SYNPO2: variants seen among roughly 807,000 people sequenced by gnomAD.
The protein encoded by SYNPO2 is synaptopodin-2.
SYNPO2 carries 56 observed loss-of-function variants against 85.0 expected under a neutral mutation model. The observed-to-expected ratio is 0.66, with a 90% CI of 0.53 to 0.82. The LOEUF is 0.82. SYNPO2 is among the 40% of genes least tolerant of loss of function. SYNPO2 has a pLI of 0.00. For missense variants in SYNPO2, 1,575 were observed against 1,534.2 expected, an observed-to-expected ratio of 1.03 and a Z score of -0.44; for synonymous variants, 602 against 591.1, an observed-to-expected ratio of 1.02 and a Z score of -0.27.
At chr4:119,045,649 A>G (rs1042344049) in intron 4 of SYNPO2, among the ~76,000 whole-genome samples, 1 of 152,226 alleles carries the variant, frequency 6.6e-6, no homozygotes, top group Non-Finnish European at 1.5e-5. Flanking sequence ...TCTTTTGAGG[A>G]AAGAGAGAAC....
At chr4:119,021,155 C>A (rs1363173993) in intron 1 of SYNPO2, among the ~76,000 whole-genome samples, 1 of 152,080 alleles carries the variant, frequency 6.6e-6, no homozygotes, top group Admixed American at 6.6e-5. Context: ...GAAGGATGGG[C>A]CCTCCCAGAA....
chr4:119,048,504 ATATT>A (rs1026781298), intron 4 of SYNPO2, among the ~76,000 whole-genome samples: 2 of 152,178 alleles, frequency 1.3e-5, no homozygotes, highest in African/African-American at 4.8e-5. Flanking sequence ...ATTAAGTAGA[ATATT>A]TATTATGTTA....
At chr4:119,019,309 A>G (rs1737631303) in intron 1 of SYNPO2, among the ~76,000 whole-genome samples, 1 of 152,206 alleles carries the variant, frequency 6.6e-6, no homozygotes. Flanking sequence ...TAGTTATGTG[A>G]TCTGATTAAA....
chr4:119,013,531 G>A (rs888854484), intron 1 of SYNPO2, among the ~76,000 whole-genome samples: 1 of 152,124 alleles, frequency 6.6e-6, no homozygotes, highest in Non-Finnish European at 1.5e-5. Flanking sequence ...TGGATATTCA[G>A]CAGTTATTTT....
At chr4:118,854,338 A>G (rs1008420466) in intron 1 of SYNPO2, among the ~76,000 whole-genome samples, 3 of 152,222 alleles carry the variant, frequency 2.0e-5, no homozygotes, top group Non-Finnish European at 2.9e-5. Flanking sequence ...AACATATAAA[A>G]AGTAAAGCAA....
At chr4:118,860,808 G>T (rs1298076736) in intron 1 of SYNPO2, among the ~76,000 whole-genome samples, 2 of 152,066 alleles carry the variant, frequency 1.3e-5, no homozygotes, top group Non-Finnish European at 2.9e-5. Context: ...ACTTGCCTCG[G>T]CATCCCAAAG....
At chr4:118,981,580 A>G (rs543943410) in intron 1 of SYNPO2, among the ~76,000 whole-genome samples, 6 of 152,306 alleles carry the variant, frequency 3.9e-5, no homozygotes, top group Non-Finnish European at 7.3e-5. Flanking sequence ...GTATGCCCTT[A>G]ATTATAGAAC....
intron 1 of SYNPO2, among the ~76,000 whole-genome samples, chr4:118,950,717 C>G (rs1473441092): frequency 1.3e-5 from 2 of 152,140 alleles, no homozygotes; most frequent in Admixed American, 1.3e-4. Context: ...CTAGGAATCA[C>G]CTAAGCCTTG....
At chr4:119,021,818 G>A (rs1030716164) in intron 1 of SYNPO2, among the ~76,000 whole-genome samples, 28 of 152,140 alleles carry the variant, frequency 1.8e-4, no homozygotes, top group African/African-American at 6.3e-4. Flanking sequence ...CAATGATAGA[G>A]GGGCAGGCTG....
At chr4:118,931,360 C>T (rs1327701303) in intron 1 of SYNPO2, among the ~76,000 whole-genome samples, 1 of 152,142 alleles carries the variant, frequency 6.6e-6, no homozygotes, top group Non-Finnish European at 1.5e-5. Flanking sequence ...TATTATACTA[C>T]TGACATTTCA....
At chr4:118,883,057 C>T (rs1199232187) in intron 1 of SYNPO2, among the ~76,000 whole-genome samples, 14 of 150,828 alleles carry the variant, frequency 9.3e-5, no homozygotes, top group Non-Finnish European at 1.2e-4. Context: ...CACCGCGCCC[C>T]GCCTGTTTTT....
chr4:118,977,183 A>C lies in SYNPO2; in HGVS notation c.106-46247A>C, dbSNP rs537714044. On this transcript the variant is annotated intron_variant, in intron 1 of 4. Transcript: ENST00000307142. ...TCAGGCATGGCGGGCTGCAGGTCCC[A>C]AGGCCTGCCCCGTGGGAAGGCAGCT... Among the ~76,000 whole-genome samples, 1,054 of 152,116 alleles carry C rather than the reference A, an allele frequency of 6.9e-3. 6 individuals are homozygous for C. The highest frequency in any genetic ancestry group is 0.013 in the African/African-American group (524 of 41,566).
chr4:118,913,965 T>C (rs1192160320), intron 1 of SYNPO2, among the ~76,000 whole-genome samples: 1 of 152,160 alleles, frequency 6.6e-6, no homozygotes, highest in Admixed American at 6.6e-5. Flanking sequence ...AGGGTGGAGC[T>C]TGGAGAATGG....
chr4:118,942,736 G>A (rs376048240), intron 1 of SYNPO2, among the ~76,000 whole-genome samples: 301 of 152,228 alleles, frequency 2.0e-3, no homozygotes, highest in African/African-American at 7.0e-3. Context: ...GCATCTAGTG[G>A]ATAGAGGCCA....
chr4:119,048,696 A>G (rs1738947243), intron 4 of SYNPO2, among the ~76,000 whole-genome samples: 1 of 152,158 alleles, frequency 6.6e-6, no homozygotes, highest in Non-Finnish European at 1.5e-5. Context: ...GAGGATTGGA[A>G]AGTACAAAAA....
chr4:118,945,789 A>G (rs957518976), intron 1 of SYNPO2, among the ~76,000 whole-genome samples: 3 of 151,814 alleles, frequency 2.0e-5, no homozygotes, highest in African/African-American at 7.3e-5. Flanking sequence ...CTCTGTTGCC[A>G]GTCTGGAGTG....
At position 118,977,271 on chromosome 4, in the gene SYNPO2, C is replaced by T. The variant is rs1204192923; in HGVS notation, c.106-46159C>T. ...CAGCACTGCTGGGGGACTCAGTACA[C>T]CCTCTGCAGCCACTGGCCTGGGTGC... is the stretch of plus-strand genomic sequence containing the variant. On this transcript the variant is annotated intron_variant, in intron 1 of 4. Transcript: ENST00000307142. Among the ~76,000 whole-genome samples the T allele has an allele frequency of 2.6e-5, 4 of 152,356 alleles. No individual in the cohort carries two copies. The Middle Eastern group carries it at 0.01, about 389-fold the overall frequency.
chr4:118,938,189 G>A (rs7672077), intron 1 of SYNPO2, among the ~76,000 whole-genome samples: 114,174 of 151,826 alleles, frequency 0.75, 44,615 homozygotes, highest in South Asian at 0.89. Flanking sequence ...CCGGGTGGCA[G>A]GAGTCTGCAG....
rs150737248 is a variant in SYNPO2 at position 119,010,437 on chromosome 4, A to C, written c.106-12993A>C. Among the ~76,000 whole-genome samples, 1,315 of 152,296 alleles carry C rather than the reference A, an allele frequency of 8.6e-3. 27 individuals carry two copies. The highest frequency in any genetic ancestry group is 0.029 in the African/African-American group (1,199 of 41,550). On this transcript the variant is annotated intron_variant, in intron 1 of 4. Transcript: ENST00000307142. ...TGACAAAACCATCAGATACAGTGAG[A>C]CTTATTCACTACCATGAGAACAATA...
Sources: gnomAD v4.1 joint callset for allele counts (sites outside exome capture counted in the v4.1 genomes callset) on GRCh38, gnomAD v4.1.1 for gene constraint, MANE v1.5 for transcripts, NCBI Gene and HGNC (gene_info 2026-07-23, HGNC 2026-07-21) for gene names.